Variants in PDE4D observed in about 807,000 individuals in gnomAD.
The protein encoded by PDE4D is phosphodiesterase 4D.
PDE4D carries 24 observed loss-of-function variants against 87.4 expected under a neutral mutation model. The observed-to-expected ratio is 0.27, with a 90% CI of 0.20 to 0.39. The LOEUF is 0.39. Ranked by LOEUF, PDE4D falls within the 10% of genes least tolerant of loss-of-function variation. The probability of loss-of-function intolerance (pLI) is 1.00; values close to 1 mark genes in which losing one functional copy is unlikely to be tolerated. For synonymous variants in PDE4D, 384 were observed against 383.2 expected (o/e 1.00, Z -0.02); for missense variants, 714 against 1,041.0 (o/e 0.69, Z 4.32).
intron 8 of PDE4D, 89 bp downstream of exon 8, chr5:58,991,743 C>G: frequency 1.2e-6 from 1 of 829,486 alleles, no homozygotes; most frequent in Admixed American, 4.0e-5. Context: ...AATTAATAAA[C>G]TTTTCTATCC....
chr5:59,435,078 G>A (rs1298546749), intron 1 of PDE4D, among the ~76,000 whole-genome samples: 1 of 152,062 alleles, frequency 6.6e-6, no homozygotes, highest in Non-Finnish European at 1.5e-5. Context: ...CCAGAGACCA[G>A]ACTATATCTT....
At chr5:60,207,744 G>T (rs1742716481) in intron 1 of PDE4D, among the ~76,000 whole-genome samples, 1 of 152,174 alleles carries the variant, frequency 6.6e-6, no homozygotes, top group South Asian at 2.1e-4. Context: ...CTGAGATTTA[G>T]ACAGAGCTGT....
At chr5:59,154,297 T>C (rs1779856916) in intron 5 of PDE4D, among the ~76,000 whole-genome samples, 1 of 152,192 alleles carries the variant, frequency 6.6e-6, no homozygotes. Flanking sequence ...AGAAATACAT[T>C]TTCATGGCAA....
chr5:60,304,651 C>CAAAAA (rs70975379), intron 1 of PDE4D, among the ~76,000 whole-genome samples: 352 of 57,900 alleles, frequency 6.1e-3, no homozygotes, highest in Non-Finnish European at 7.4e-3. Context: ...GACTCCGTCT[C>CAAAAA]AAAAAAAAAA....
At chr5:59,706,908 C>CT (rs1323320230) in intron 1 of PDE4D, among the ~76,000 whole-genome samples, 1 of 152,076 alleles carries the variant, frequency 6.6e-6, no homozygotes, top group Non-Finnish European at 1.5e-5. Context: ...TGCTCAATTG[C>CT]TTTTTATTAT....
intron 1 of PDE4D, among the ~76,000 whole-genome samples, chr5:59,467,624 A>C (rs916311362): frequency 6.6e-6 from 1 of 152,364 alleles, no homozygotes; most frequent in African/African-American, 2.4e-5. Flanking sequence ...ACTATTTACC[A>C]TATATGTTTA....
At chr5:59,591,628 T>A (rs1165620814) in intron 1 of PDE4D, among the ~76,000 whole-genome samples, 1 of 152,216 alleles carries the variant, frequency 6.6e-6, no homozygotes, top group Non-Finnish European at 1.5e-5. Context: ...GACTTATTTA[T>A]CTTATATGAA....
At chr5:60,324,030 T>A (rs1400536223) in intron 1 of PDE4D, among the ~76,000 whole-genome samples, 1 of 152,152 alleles carries the variant, frequency 6.6e-6, no homozygotes, top group Non-Finnish European at 1.5e-5. Context: ...TTTATTTCTA[T>A]GAACGTTTGA....
chr5:59,675,710 A>C (rs80264620), intron 1 of PDE4D, among the ~76,000 whole-genome samples: 10,932 of 152,060 alleles, frequency 0.072, 1,218 homozygotes, highest in African/African-American at 0.24. Flanking sequence ...TTTTTTGAAA[A>C]AGGGTCTCTC....
chr5:60,186,157 G>A (rs1784770192), intron 1 of PDE4D, among the ~76,000 whole-genome samples: 2 of 152,100 alleles, frequency 1.3e-5, no homozygotes. Flanking sequence ...TTGTTTCACT[G>A]ACAATAATCA....
intron 1 of PDE4D, among the ~76,000 whole-genome samples, chr5:60,308,745 AG>A: frequency 1.3e-5 from 2 of 152,306 alleles, no homozygotes; most frequent in East Asian, 3.9e-4. Flanking sequence ...TTTCACAACC[AG>A]TTTTTCTCTG....
chr5:60,401,220 C>CT (rs1179299684), intron 1 of PDE4D, among the ~76,000 whole-genome samples: 1 of 152,122 alleles, frequency 6.6e-6, no homozygotes, highest in Non-Finnish European at 1.5e-5. Flanking sequence ...AGGAGTGGTT[C>CT]CAACAAGGAG....
chr5:59,080,535 AT>A (rs769842269), intron 5 of PDE4D, among the ~76,000 whole-genome samples: 2 of 152,128 alleles, frequency 1.3e-5, no homozygotes, highest in Non-Finnish European at 2.9e-5. Context: ...ACATCGTCAT[AT>A]TGCTTCTTGC....
chr5:58,982,809 G>A (rs1745533555), intron 11 of PDE4D, among the ~76,000 whole-genome samples: 1 of 152,206 alleles, frequency 6.6e-6, no homozygotes, highest in African/African-American at 2.4e-5. Context: ...GGTGATGACA[G>A]GGGTGGCTAG....
At chr5:60,201,193 C>G (rs114072879) in intron 1 of PDE4D, among the ~76,000 whole-genome samples, 2,290 of 139,850 alleles carry the variant, frequency 0.016, 44 homozygotes, top group African/African-American at 0.056. Context: ...TGAAAAACCT[C>G]CCAAAAAGAA....
At chr5:60,081,911 G>C (rs1432307093) in intron 2 of PDE4D, among the ~76,000 whole-genome samples, 3 of 152,068 alleles carry the variant, frequency 2.0e-5, no homozygotes, top group Admixed American at 1.3e-4. Context: ...TGTTTGTAGA[G>C]GTTAATGAAA....
At chr5:59,148,155 A>T (rs1468380869) in intron 5 of PDE4D, among the ~76,000 whole-genome samples, 1 of 152,224 alleles carries the variant, frequency 6.6e-6, no homozygotes, top group African/African-American at 2.4e-5. Context: ...CTAGGAAAAA[A>T]AAAATATGTA....
chr5:60,280,252 C>T (rs1441513734), intron 1 of PDE4D, among the ~76,000 whole-genome samples: 1 of 151,436 alleles, frequency 6.6e-6, no homozygotes, highest in Non-Finnish European at 1.5e-5. Flanking sequence ...GGTCCCAAGG[C>T]CCCAAGCTAG....
intron 2 of PDE4D, among the ~76,000 whole-genome samples, chr5:60,069,024 A>G (rs1772425940): frequency 6.6e-6 from 1 of 152,156 alleles, no homozygotes; most frequent in South Asian, 2.1e-4. Flanking sequence ...TGATTTTTGC[A>G]TATGATGTAA....
Sources: allele counts gnomAD v4.1 joint callset (sites outside exome capture counted in the v4.1 genomes callset), GRCh38; gene constraint gnomAD v4.1.1; transcripts MANE v1.5; gene names NCBI Gene and HGNC (gene_info 2026-07-23, HGNC 2026-07-21).